DENND1A: variants seen among roughly 807,000 people sequenced by gnomAD.
DENND1A encodes the protein DENN domain-containing protein 1A.
In DENND1A, 51 loss-of-function variants were observed where a neutral mutation model predicts 113.7. The observed-to-expected ratio is 0.45, with a 90% confidence interval of 0.36 to 0.57. The LOEUF is 0.57. Among genes scored for constraint, DENND1A ranks in the 20% least tolerant of loss-of-function variants. The probability of loss-of-function intolerance (pLI) is 0.00; values close to 1 mark genes in which losing one functional copy is unlikely to be tolerated. For synonymous variants in DENND1A, 565 were observed against 570.8 expected (o/e 0.99, Z 0.14); for missense variants, 1,258 against 1,395.9 (o/e 0.90, Z 1.57).
chr9:123,511,810 G>C (rs1036594821), intron 13 of DENND1A, among the ~76,000 whole-genome samples: 15 of 152,242 alleles, frequency 9.9e-5, no homozygotes, highest in African/African-American at 3.6e-4. Context: ...ATGGGGACAG[G>C]AGAGACAGAA....
chr9:123,728,239 A>C (rs886205510), intron 5 of DENND1A, among the ~76,000 whole-genome samples: 2 of 151,988 alleles, frequency 1.3e-5, no homozygotes, highest in African/African-American at 4.8e-5. Context: ...GCACTTTGGG[A>C]GGCCAAGGCG....
At chr9:123,805,415 TAGCCTGAAGGTAATTTATACAA>T (rs1209079572) in intron 2 of DENND1A, among the ~76,000 whole-genome samples, 2 of 151,182 alleles carry the variant, frequency 1.3e-5, no homozygotes, top group African/African-American at 4.9e-5. Context: ...CATATACACA[TAGCCTGAAGGTAATTTATACAA>T]TTTTTTTTTT....
chr9:123,398,473 C>A (rs915949254), intron 21 of DENND1A, among the ~76,000 whole-genome samples: 4 of 152,080 alleles, frequency 2.6e-5, no homozygotes, highest in African/African-American at 9.7e-5. Context: ...CTCCCGGGTT[C>A]ACGCCATTCT....
intron 18 of DENND1A, among the ~76,000 whole-genome samples, 176 bp downstream of exon 18, chr9:123,450,517 G>GT (rs1304685891): frequency 6.6e-6 from 1 of 152,224 alleles, no homozygotes; most frequent in Non-Finnish European, 1.5e-5. Flanking sequence ...TTTGAAGACA[G>GT]TTTTTTGTCT....
intron 5 of DENND1A, among the ~76,000 whole-genome samples, chr9:123,720,773 C>A (rs1018403185): frequency 2.0e-5 from 3 of 152,190 alleles, no homozygotes; most frequent in Non-Finnish European, 1.5e-5. Flanking sequence ...TGCCATCCAG[C>A]ATGCGTGGGC....
chr9:123,470,365 C>CGCCAGGGGTTGCCTCACTCAA (rs71963001), intron 13 of DENND1A, among the ~76,000 whole-genome samples: 11 of 688 alleles, frequency 0.016, no homozygotes, highest in Admixed American at 0.12. Context: ...ACGTGGCCAG[C>CGCCAGGGGTTGCCTCACTCAA]GCCAGGGGTT....
At chr9:123,674,841 CTTTT>C (rs11327678) in intron 6 of DENND1A, among the ~76,000 whole-genome samples, 3 of 132,334 alleles carry the variant, frequency 2.3e-5, no homozygotes, top group Admixed American at 7.4e-5. Context: ...GTTTTTTTCT[CTTTT>C]TTTTTTTTTT....
chr9:123,634,823 C>T (rs1257278273), intron 9 of DENND1A, among the ~76,000 whole-genome samples: 2 of 152,212 alleles, frequency 1.3e-5, no homozygotes, highest in Non-Finnish European at 2.9e-5. Context: ...TAGCCTAAGA[C>T]TCCAGACAAA....
chr9:123,738,912 GT>G (rs1039465437), intron 5 of DENND1A, among the ~76,000 whole-genome samples: 40 of 152,142 alleles, frequency 2.6e-4, no homozygotes, highest in African/African-American at 9.2e-4. Context: ...GGGATTTGAT[GT>G]GGCTATTACT....
At chr9:123,758,021 AC>A (rs1165944891) in intron 4 of DENND1A, among the ~76,000 whole-genome samples, 199 bp from the exon 5 acceptor site, 1 of 150,528 alleles carries the variant, frequency 6.6e-6, no homozygotes, top group Non-Finnish European at 1.5e-5. Flanking sequence ...TATTCTAGTG[AC>A]CACCTCAGAA....
intron 12 of DENND1A, among the ~76,000 whole-genome samples, chr9:123,570,188 C>T (rs778793190): frequency 1.3e-5 from 2 of 152,102 alleles, no homozygotes; most frequent in Admixed American, 6.5e-5. Context: ...TGAGCATACA[C>T]CCAAAAAACT....
intron 1 of DENND1A, among the ~76,000 whole-genome samples, chr9:123,919,921 C>A (rs1399894054): frequency 1.4e-5 from 2 of 148,116 alleles, no homozygotes; most frequent in Non-Finnish European, 3.0e-5. Flanking sequence ...ATGACAACAT[C>A]TGGGATTTGC....
At chr9:123,793,536 A>G (rs539264341) in intron 2 of DENND1A, among the ~76,000 whole-genome samples, 36 of 152,360 alleles carry the variant, frequency 2.4e-4, no homozygotes, top group Middle Eastern at 3.4e-3. Flanking sequence ...GAAATCATGT[A>G]TCAATTCAAA....
chr9:123,579,008 C>A (rs181878962), intron 12 of DENND1A, among the ~76,000 whole-genome samples: 1 of 152,050 alleles, frequency 6.6e-6, no homozygotes, highest in African/African-American at 2.4e-5. Context: ...TTGGGACAAC[C>A]ATTAACAGTT....
chr9:123,652,169 C>T, intron 8 of DENND1A, 46 bp from the exon 9 acceptor site: 1 of 1,441,258 alleles, frequency 6.9e-7, no homozygotes, highest in African/African-American at 1.4e-5. Flanking sequence ...TTTCTTTGTT[C>T]TTATTATAAC....
chr9:123,709,233 C>T (rs1446176499), intron 5 of DENND1A, among the ~76,000 whole-genome samples: 2 of 152,174 alleles, frequency 1.3e-5, no homozygotes, highest in African/African-American at 2.4e-5. Flanking sequence ...CTCCTCTGTT[C>T]CCAGGACTTC....
At chr9:123,637,929 A>ACACG (rs1224323650) in intron 9 of DENND1A, among the ~76,000 whole-genome samples, 1 of 88,088 alleles carries the variant, frequency 1.1e-5, no homozygotes, top group Non-Finnish European at 2.2e-5. Flanking sequence ...ACACACACAC[A>ACACG]CACGCACACA....
rs550296513 is a variant in DENND1A, at chr9:123,531,544, C to T, written c.993+26026G>A. Among the ~76,000 whole-genome samples, 775 of 108,114 alleles carry T rather than the reference C, an allele frequency of 7.2e-3. 9 individuals are homozygous for T. The highest frequency in any genetic ancestry group is 0.033 in the African/African-American group (736 of 22,010). 70.9% of individuals were successfully genotyped at this position (108,114 alleles called of 152,430 possible). On this transcript the variant is annotated intron_variant, in intron 13 of 23. Coordinates refer to ENST00000394215, the MANE Select transcript of DENND1A (RefSeq NM_001352964.2). The stretch of plus-strand genomic sequence containing the variant: ...CATTGGCTTTATCCTTCTCTTCCCC[C>T]CTCTCTCTCTACACACACACACACA...
chr9:123,779,966 T>C (rs1433159101), intron 3 of DENND1A, among the ~76,000 whole-genome samples: 1 of 150,262 alleles, frequency 6.7e-6, no homozygotes, highest in Non-Finnish European at 1.5e-5. Context: ...CCGATTTTCC[T>C]GCTCAGCCTC....
Sources: gnomAD v4.1 joint callset for allele counts (sites outside exome capture counted in the v4.1 genomes callset) on GRCh38, gnomAD v4.1.1 for gene constraint, MANE v1.5 for transcripts, NCBI Gene and HGNC (gene_info 2026-07-23, HGNC 2026-07-21) for gene names.